Variants in GABBR2 observed in about 807,000 individuals in gnomAD.
The protein encoded by GABBR2 is G-protein coupled receptor 51.
GABBR2 carries 23 observed loss-of-function variants against 105.6 expected under a neutral mutation model. That is an observed-to-expected ratio of 0.22 (90% confidence interval 0.16 to 0.31). GABBR2 has a LOEUF of 0.31. Among genes scored for constraint, GABBR2 ranks in the 10% least tolerant of loss-of-function variants. The pLI is 1.00. For missense variants in GABBR2, 734 were observed against 1,245.5 expected (o/e 0.59, Z 6.18); for synonymous variants, 478 against 499.7 (o/e 0.96, Z 0.58).
intron 6 of GABBR2, among the ~76,000 whole-genome samples, chr9:98,455,462 A>T (rs1826309235): frequency 6.6e-6 from 1 of 152,202 alleles, no homozygotes; most frequent in Non-Finnish European, 1.5e-5. Context: ...TATACTGAGA[A>T]GGGCCCCTTA....
chr9:98,307,414 A>C (rs1830568826), intron 14 of GABBR2, among the ~76,000 whole-genome samples: 1 of 152,182 alleles, frequency 6.6e-6, no homozygotes, highest in African/African-American at 2.4e-5. Context: ...TGACTGGTAC[A>C]GGGACCTCTG....
At chr9:98,470,110 A>C (rs1211365062) in intron 6 of GABBR2, among the ~76,000 whole-genome samples, 1 of 152,226 alleles carries the variant, frequency 6.6e-6, no homozygotes, top group Non-Finnish European at 1.5e-5. Context: ...GGCAAGTGCA[A>C]CAAAGGAACA....
intron 6 of GABBR2, among the ~76,000 whole-genome samples, chr9:98,466,425 C>T (rs112221272): frequency 1.3e-5 from 2 of 152,120 alleles, no homozygotes; most frequent in African/African-American, 2.4e-5. Context: ...CATGGGTGCT[C>T]TCCTTCAATA....
At chr9:98,702,301 CCT>C (rs148260102) in intron 1 of GABBR2, among the ~76,000 whole-genome samples, 12,838 of 152,002 alleles carry the variant, frequency 0.084, 624 homozygotes, top group Non-Finnish European at 0.11. Flanking sequence ...ACATTGGTTC[CCT>C]CTCTGTTGCC....
chr9:98,509,215 G>A (rs1011281429), intron 3 of GABBR2, among the ~76,000 whole-genome samples: 7 of 152,260 alleles, frequency 4.6e-5, no homozygotes, highest in African/African-American at 1.2e-4. Flanking sequence ...GGTCCTGTCC[G>A]TTAGAAGGAA....
intron 13 of GABBR2, among the ~76,000 whole-genome samples, chr9:98,312,513 C>A (rs1050968414): frequency 1.2e-4 from 19 of 152,202 alleles, no homozygotes; most frequent in South Asian, 6.2e-4. Flanking sequence ...TCAAAGGTAT[C>A]ATTTCCCCAT....
At position 98,560,754 on chromosome 9, in the gene GABBR2, T is replaced by C. The variant is rs141359621; in HGVS notation, c.459+17181A>G. ...TTAAATATATAGTATATATTATATT[T>C]AGTATTATATATATACTATATAGTA... On this transcript the variant is annotated intron_variant, in intron 2 of 18. Transcript: ENST00000259455. 3.9e-3 allele frequency among the ~76,000 whole-genome samples: 564 copies of C among 145,814 alleles called. 2 individuals are homozygous for C. The highest frequency in any genetic ancestry group is 0.013 in the African/African-American group (529 of 40,180).
At chr9:98,456,261 G>A (rs1263822274) in intron 6 of GABBR2, among the ~76,000 whole-genome samples, 1 of 152,104 alleles carries the variant, frequency 6.6e-6, no homozygotes, top group Admixed American at 6.5e-5. Flanking sequence ...GCACCTCAGG[G>A]CTTTGCACAA....
intron 1 of GABBR2, among the ~76,000 whole-genome samples, chr9:98,661,403 T>G (rs72760677): frequency 0.087 from 13,215 of 151,306 alleles, 635 homozygotes; most frequent in Non-Finnish European, 0.1. Context: ...CGTGTTGACT[T>G]TTCCCCCACC....
At chr9:98,511,445 CA>C (rs1195727360) in intron 3 of GABBR2, among the ~76,000 whole-genome samples, 1 of 111,736 alleles carries the variant, frequency 8.9e-6, no homozygotes, top group African/African-American at 3.6e-5. Flanking sequence ...AAAAATCCTT[CA>C]AAAAATTAAT....
chr9:98,518,132 A>AATTCCAGTAGCTCTGCCCCTCCCC (rs1827795408), intron 3 of GABBR2, among the ~76,000 whole-genome samples: 2 of 152,144 alleles, frequency 1.3e-5, no homozygotes, highest in African/African-American at 2.4e-5. Flanking sequence ...TGCTCCTCCC[A>AATTCCAGTAGCTCTGCCCCTCCCC]ATTCCAGTAG....
intron 1 of GABBR2, among the ~76,000 whole-genome samples, chr9:98,668,017 T>C (rs796209773): frequency 2.0e-5 from 3 of 152,306 alleles, no homozygotes; most frequent in African/African-American, 7.2e-5. Context: ...AAAGGCCCAG[T>C]CCCACTGCCT....
intron 13 of GABBR2, among the ~76,000 whole-genome samples, chr9:98,330,231 C>T (rs961711286): frequency 6.6e-6 from 1 of 152,170 alleles, no homozygotes; most frequent in African/African-American, 2.4e-5. Flanking sequence ...CCTGGAATAT[C>T]GACTCCTTGA....
At chr9:98,667,142 T>C (rs1328705779) in intron 1 of GABBR2, among the ~76,000 whole-genome samples, 4 of 152,158 alleles carry the variant, frequency 2.6e-5, no homozygotes, top group African/African-American at 9.7e-5. Context: ...GCAGAGATGC[T>C]GGGGAATATA....
intron 2 of GABBR2, among the ~76,000 whole-genome samples, chr9:98,555,289 G>A (rs1185466880): frequency 1.3e-5 from 2 of 152,222 alleles, no homozygotes; most frequent in African/African-American, 4.8e-5. Flanking sequence ...CTCAGCGAAG[G>A]AAAGGATTTG....
chr9:98,377,338 C>T (rs1831893851), intron 11 of GABBR2, among the ~76,000 whole-genome samples: 1 of 152,158 alleles, frequency 6.6e-6, no homozygotes, highest in Non-Finnish European at 1.5e-5. Context: ...TGAGTGGCCA[C>T]ACCATGTGAT....
chr9:98,405,217 C>T (rs2131528241), intron 8 of GABBR2, among the ~76,000 whole-genome samples: 1 of 152,292 alleles, frequency 6.6e-6, no homozygotes, highest in Non-Finnish European at 1.5e-5. Flanking sequence ...GTTCATGATG[C>T]TGTTCTCTCT....
At position 98,585,870 on chromosome 9, in the gene GABBR2, A is replaced by G; in HGVS notation, c.322-7798T>C. On this transcript the variant is annotated intron_variant, in intron 1 of 18. Coordinates refer to ENST00000259455, the MANE Select transcript of GABBR2 (RefSeq NM_005458.8). ...TGGATTTTGAATATTTGGATTTGGG[A>G]TGTTCAGTCTTTAAATATAATGCAG... Among the ~76,000 whole-genome samples the G allele has an allele frequency of 2.3e-5, 2 of 86,064 alleles. 1 individual carries two copies. Among genetic ancestry groups the G allele is most frequent in the Non-Finnish European group, 5.5e-5 (2 of 36,590 alleles). The allele number at this position is 86,064 out of a possible 152,430, so 56.5% of individuals were successfully genotyped here. A position where few individuals can be genotyped will look rare whatever the true frequency, so the allele number is the denominator to read the frequency against.
At chr9:98,422,510 G>GTGTGTGTGTC (rs1832800159) in intron 7 of GABBR2, among the ~76,000 whole-genome samples, 1 of 151,160 alleles carries the variant, frequency 6.6e-6, no homozygotes, top group Non-Finnish European at 1.5e-5. Flanking sequence ...GTGTGTGTGT[G>GTGTGTGTGTC]TGTGTGTGTG....
Sources: allele counts gnomAD v4.1 joint callset (sites outside exome capture counted in the v4.1 genomes callset), GRCh38; gene constraint gnomAD v4.1.1; transcripts MANE v1.5; gene names NCBI Gene and HGNC (gene_info 2026-07-23, HGNC 2026-07-21).